AKAP9: variants seen among roughly 807,000 people sequenced by gnomAD.
The protein encoded by AKAP9 is A-kinase anchor protein 9.
AKAP9 carries 311 observed loss-of-function variants against 488.5 expected under a neutral mutation model. The observed-to-expected ratio is 0.64, with a 90% CI of 0.58 to 0.70. The LOEUF (loss-of-function observed/expected upper bound fraction) is 0.70. AKAP9 is among the 30% of genes least tolerant of loss of function. AKAP9 has a pLI of 0.00. For synonymous variants in AKAP9, 1,462 were observed against 1,483.5 expected (o/e 0.99, Z 0.33); for missense variants, 4,215 against 4,374.5 (o/e 0.96, Z 1.03).
intron 12 of AKAP9, 80 bp downstream of exon 12, chr7:92,017,182 A>G (rs1395756848): frequency 9.3e-7 from 1 of 1,073,752 alleles, no homozygotes; most frequent in Non-Finnish European, 1.4e-6. Context: ...TTATCAACCA[A>G]GAATTTCTAA....
chr7:92,102,801 G>C lies in AKAP9; in HGVS notation c.11305G>C (p.Val3769Leu). The change falls in exon 46 of 50, where the codon GTC becomes CTC. Residue 3769 changes from valine to leucine, a missense_variant. Val to Leu is a conservative substitution (Grantham distance 32). Coordinates refer to ENST00000356239, the MANE Select transcript of AKAP9 (RefSeq NM_005751.5). ...PKGFTRFRSA[V>L]RVSIAISRMK... Reference sequence around the variant, plus strand: ...GGGCTTCACCAGGTTTCGGTCGGCCGTCAGAGTATCCATTGCAATTTCCAG... The same window carrying C: ...GGGCTTCACCAGGTTTCGGTCGGCCCTCAGAGTATCCATTGCAATTTCCAG... 6.2e-7 allele frequency: 1 copy of C among 1,614,174 alleles called. No individual in the cohort carries two copies. The highest frequency in any genetic ancestry group is 8.5e-7 in the Non-Finnish European group (1 of 1,180,030).
chr7:92,018,812 A>G (rs368638592), intron 12 of AKAP9, among the ~76,000 whole-genome samples: 9 of 152,076 alleles, frequency 5.9e-5, no homozygotes, highest in African/African-American at 2.2e-4. Flanking sequence ...CTAGATCTCT[A>G]TGTTTAGGTC....
intron 13 of AKAP9, 80 bp downstream of exon 13, chr7:92,022,432 G>A: frequency 2.0e-6 from 2 of 978,060 alleles, no homozygotes; most frequent in South Asian, 2.6e-5. Context: ...TAAAATGTGA[G>A]CTAACGTAGT....
At chr7:91,976,079 C>A (rs556543287) in intron 2 of AKAP9, among the ~76,000 whole-genome samples, 1 of 151,820 alleles carries the variant, frequency 6.6e-6, no homozygotes. Flanking sequence ...TGAGCCATCA[C>A]GCCCAACTAA....
chr7:92,082,875 T>C (rs959703475), intron 32 of AKAP9, among the ~76,000 whole-genome samples: 7 of 152,222 alleles, frequency 4.6e-5, no homozygotes, highest in African/African-American at 1.7e-4. Flanking sequence ...GAGGATACTT[T>C]TTATTTCCAT....
intron 47 of AKAP9, among the ~76,000 whole-genome samples, chr7:92,106,436 C>G (rs991300505): frequency 1.3e-5 from 2 of 152,022 alleles, no homozygotes; most frequent in African/African-American, 2.4e-5. Flanking sequence ...AGTGATGGAA[C>G]CAGGACCAAA....
Position 92,093,309 on chromosome 7 carries a change from G to C in AKAP9, c.9571G>C (p.Ala3191Pro), listed in dbSNP as rs779708902. The change falls in exon 39 of 50, where the codon GCT (alanine) becomes CCT (proline). Residue 3191 changes from alanine (A) to proline (P), a missense_variant. By Grantham distance (27) the Ala-to-Pro change is conservative. Transcript: ENST00000356239. Reference sequence around the variant, plus strand: ...GCATAAACACCTAAAAGAATTGGAGGCTTTCAGGTGTGCCAGGCTTCCTTA... The same window carrying C: ...GCATAAACACCTAAAAGAATTGGAGCCTTTCAGGTGTGCCAGGCTTCCTTA... ...AQHKHLKELE[A>P]FRLEVKDKTD... 1.9e-6 allele frequency: 3 copies of C among 1,613,850 alleles called. No homozygotes were observed. The highest frequency in any genetic ancestry group is 2.5e-6 in the Non-Finnish European group (3 of 1,179,902).
chr7:91,986,992 A>G (rs996489647), intron 3 of AKAP9, among the ~76,000 whole-genome samples: 8 of 152,100 alleles, frequency 5.3e-5, no homozygotes, highest in African/African-American at 1.9e-4. Flanking sequence ...TTTTGGAAAG[A>G]TACTTATTCT....
chr7:91,967,425 A>T (rs2130538036), intron 1 of AKAP9, among the ~76,000 whole-genome samples: 1 of 152,178 alleles, frequency 6.6e-6, no homozygotes, highest in East Asian at 1.9e-4. Context: ...ATTCAGTGTG[A>T]TATTAGCTGT....
intron 1 of AKAP9, among the ~76,000 whole-genome samples, chr7:91,962,302 T>C (rs1214360644): frequency 6.6e-6 from 1 of 152,212 alleles, no homozygotes; most frequent in Non-Finnish European, 1.5e-5. Context: ...AAAGTTATTG[T>C]AGATATTATT....
At chr7:92,088,896 A>G (rs928199459) in intron 37 of AKAP9, among the ~76,000 whole-genome samples, 3 of 152,186 alleles carry the variant, frequency 2.0e-5, no homozygotes, top group African/African-American at 7.2e-5. Flanking sequence ...AGATGGTATC[A>G]TTGGGAAAAG....
chr7:92,012,146 G>A (rs1800831471), intron 8 of AKAP9, among the ~76,000 whole-genome samples: 1 of 152,270 alleles, frequency 6.6e-6, no homozygotes, highest in Non-Finnish European at 1.5e-5. Context: ...TTATTTCCAT[G>A]TCTGTACGTT....
intron 3 of AKAP9, among the ~76,000 whole-genome samples, chr7:91,989,819 T>C (rs537813950): frequency 3.3e-5 from 5 of 152,158 alleles, no homozygotes; most frequent in Admixed American, 6.5e-5. Flanking sequence ...TATTTCCAAA[T>C]TAAGTACAAG....
chr7:92,036,332 G>C (rs1230259579), intron 16 of AKAP9, among the ~76,000 whole-genome samples: 1 of 151,226 alleles, frequency 6.6e-6, no homozygotes, highest in Non-Finnish European at 1.5e-5. Context: ...TATTTTAAGA[G>C]ATGGGTCTGT....
intron 37 of AKAP9, 50 bp downstream of exon 37, chr7:92,086,466 A>C (rs1191116877): frequency 6.9e-7 from 1 of 1,442,396 alleles, no homozygotes; most frequent in Non-Finnish European, 9.7e-7. Context: ...TAAGGAAATG[A>C]CTATTGATTT....
At chr7:92,059,713 C>T (rs1403431452) in intron 22 of AKAP9, among the ~76,000 whole-genome samples, 1 of 151,088 alleles carries the variant, frequency 6.6e-6, no homozygotes. Flanking sequence ...AAATGACAAA[C>T]GTGTAAAAAC....
intron 17 of AKAP9, among the ~76,000 whole-genome samples, chr7:92,040,267 C>T (rs536049238): frequency 8.5e-5 from 13 of 152,066 alleles, no homozygotes; most frequent in South Asian, 4.2e-4. Flanking sequence ...GGTAGTTTCT[C>T]ATGTTTCATA....
intron 2 of AKAP9, among the ~76,000 whole-genome samples, chr7:91,977,100 A>T (rs1054349181): frequency 6.6e-6 from 1 of 151,978 alleles, no homozygotes; most frequent in South Asian, 2.1e-4. Flanking sequence ...CTTTACAAAA[A>T]GTAAAAAAAA....
chr7:92,066,162 A>C (rs1441196197), intron 25 of AKAP9, among the ~76,000 whole-genome samples: 1 of 152,188 alleles, frequency 6.6e-6, no homozygotes, highest in Non-Finnish European at 1.5e-5. Context: ...CCTGTATTTA[A>C]TATTACTTGA....
Sources: allele counts gnomAD v4.1 joint callset (sites outside exome capture counted in the v4.1 genomes callset), GRCh38; gene constraint gnomAD v4.1.1; transcripts MANE v1.5; gene names NCBI Gene and HGNC (gene_info 2026-07-23, HGNC 2026-07-21).